The following CHRM3 variants were observed in gnomAD, a reference collection of about 807,000 sequenced individuals.
CHRM3 encodes the protein cholinergic receptor muscarinic 3, also known as muscarinic acetylcholine receptor M3.
A neutral mutation model predicts 41.8 loss-of-function variants in CHRM3; 11 were observed. The ratio of observed to expected loss-of-function variants is 0.26; its 90% CI spans 0.17 to 0.44. The LOEUF (loss-of-function observed/expected upper bound fraction) is 0.44, where lower values mean the gene tolerates loss of function less well. CHRM3 is among the 20% of genes least tolerant of loss of function. The pLI is 1.00. For missense variants in CHRM3, 571 were observed against 745.4 expected, an observed-to-expected ratio of 0.77 and a Z score of 2.72; for synonymous variants, 297 against 301.4, an observed-to-expected ratio of 0.99 and a Z score of 0.15.
chr1:239,414,570 T>C (rs1319005968), intron 1 of CHRM3, among the ~76,000 whole-genome samples: 1 of 152,238 alleles, frequency 6.6e-6, no homozygotes, highest in Non-Finnish European at 1.5e-5. Context: ...GAACAAAATA[T>C]TTTCAATCGG....
chr1:239,757,794 G>C (rs1442626542), intron 5 of CHRM3, among the ~76,000 whole-genome samples: 1 of 152,168 alleles, frequency 6.6e-6, no homozygotes, highest in East Asian at 1.9e-4. Context: ...GTAAATGAAC[G>C]TTGAATGTTA....
intron 1 of CHRM3, among the ~76,000 whole-genome samples, chr1:239,407,417 T>TATATATATATATATATAGAGAGAGAGAG: frequency 1.9e-4 from 26 of 134,208 alleles, no homozygotes; most frequent in Non-Finnish European, 3.9e-4. Flanking sequence ...TATATATATA[T>TATATATATATATATATAGAGAGAGAGAG]AGAGAGAGAG....
intron 4 of CHRM3, among the ~76,000 whole-genome samples, chr1:239,658,627 T>A (rs553748190): frequency 2.6e-5 from 4 of 152,328 alleles, no homozygotes; most frequent in African/African-American, 9.6e-5. Flanking sequence ...ACTGATTGAT[T>A]AAGGACTATG....
rs969262459 is a variant in CHRM3 at position 239,907,428 on chromosome 1, C to T, written c.-19-5C>T. ...CTAACTCTGTCTCTTCTCTCTTTCC[C>T]CCAGACTATGTCAGAGAGTCACAAT... On this transcript the variant is annotated splice_region_variant and splice_polypyrimidine_tract_variant and intron_variant, in intron 6 of 6. Coordinates refer to ENST00000676153, the MANE Select transcript of CHRM3 (RefSeq NM_001375978.1). This position sits in a 1 kb window ranked among gnomAD's most constrained non-coding sequence, Gnocchi z 5.4. 1.9e-6 allele frequency: 3 copies of T among 1,592,744 alleles called. No homozygotes were observed. The highest frequency in any genetic ancestry group is 1.7e-5 in the Admixed American group (1 of 58,510).
At chr1:239,884,773 T>C (rs1266075926) in intron 6 of CHRM3, among the ~76,000 whole-genome samples, 1 of 152,206 alleles carries the variant, frequency 6.6e-6, no homozygotes, top group East Asian at 1.9e-4. Flanking sequence ...TACTAGTAGA[T>C]GTTAAATATT....
chr1:239,422,949 T>G, intron 1 of CHRM3, among the ~76,000 whole-genome samples: 1 of 151,840 alleles, frequency 6.6e-6, no homozygotes, highest in Middle Eastern at 3.2e-3. Flanking sequence ...GGGAAGGAAA[T>G]AAAAGAATGA....
At chr1:239,657,248 G>T (rs948142488) in intron 4 of CHRM3, among the ~76,000 whole-genome samples, 1 of 152,176 alleles carries the variant, frequency 6.6e-6, no homozygotes, top group Non-Finnish European at 1.5e-5. Flanking sequence ...AGAGGAGCTG[G>T]AATACCCAAA....
At chr1:239,620,882 G>A (rs539134413) in intron 3 of CHRM3, among the ~76,000 whole-genome samples, 4 of 152,188 alleles carry the variant, frequency 2.6e-5, no homozygotes, top group Non-Finnish European at 4.4e-5. Context: ...ATGCATAGTC[G>A]TATGAGTGGT....
chr1:239,594,963 C>A (rs1002676517), intron 3 of CHRM3, among the ~76,000 whole-genome samples: 1 of 152,164 alleles, frequency 6.6e-6, no homozygotes, highest in Non-Finnish European at 1.5e-5. Context: ...GTGGCACATT[C>A]CTGTAATCCC....
At chr1:239,439,978 T>A (rs979565910) in intron 1 of CHRM3, among the ~76,000 whole-genome samples, 13 of 149,066 alleles carry the variant, frequency 8.7e-5, no homozygotes, top group African/African-American at 3.2e-4. Flanking sequence ...GGCAGGCGGA[T>A]CACGAGGTTA....
chr1:239,653,244 A>G (rs1026149165), intron 4 of CHRM3, among the ~76,000 whole-genome samples: 5 of 152,134 alleles, frequency 3.3e-5, no homozygotes, highest in African/African-American at 1.2e-4. Context: ...TAGGAAACAG[A>G]TCTTCTTTCG....
chr1:239,562,186 G>A (rs1660919535), intron 3 of CHRM3, among the ~76,000 whole-genome samples: 2 of 152,182 alleles, frequency 1.3e-5, no homozygotes, highest in Admixed American at 1.3e-4. Context: ...TGCAGGCCAT[G>A]TGTACCTGAT....
intron 1 of CHRM3, among the ~76,000 whole-genome samples, chr1:239,409,648 CT>C (rs1558200970): frequency 6.6e-6 from 1 of 152,112 alleles, no homozygotes. Flanking sequence ...AAAATTTGGG[CT>C]TGTCATGAGC....
intron 5 of CHRM3, among the ~76,000 whole-genome samples, chr1:239,701,517 T>C (rs1166334002): frequency 6.6e-6 from 1 of 152,234 alleles, no homozygotes; most frequent in African/African-American, 2.4e-5. Context: ...GTTGTCATGA[T>C]TGACAGCTGT....
chr1:239,700,914 C>T (rs1207414418), intron 5 of CHRM3, among the ~76,000 whole-genome samples: 2 of 152,148 alleles, frequency 1.3e-5, no homozygotes, highest in Non-Finnish European at 2.9e-5. Context: ...GGGCAGCTCC[C>T]TTGACTGGAC....
chr1:239,766,931 C>T (rs1283508984), intron 5 of CHRM3, among the ~76,000 whole-genome samples: 2 of 152,106 alleles, frequency 1.3e-5, no homozygotes, highest in South Asian at 2.1e-4. Flanking sequence ...AGGCTGGTCT[C>T]GAACTCCTGA....
chr1:239,738,957 T>C (rs547525109), intron 5 of CHRM3, among the ~76,000 whole-genome samples: 44 of 152,294 alleles, frequency 2.9e-4, no homozygotes, highest in African/African-American at 9.6e-4. Context: ...CTGAGGTTGC[T>C]CCTGGAAGAT....
chr1:239,531,108 AT>A (rs927924894), intron 2 of CHRM3, among the ~76,000 whole-genome samples: 1 of 152,104 alleles, frequency 6.6e-6, no homozygotes, highest in African/African-American at 2.4e-5. Context: ...TGTTATTAGG[AT>A]TTTTTTGCAG....
At chr1:239,466,270 C>T (rs2147910618) in intron 1 of CHRM3, among the ~76,000 whole-genome samples, 1 of 152,308 alleles carries the variant, frequency 6.6e-6, no homozygotes, top group Non-Finnish European at 1.5e-5. Context: ...GCTGGGATTA[C>T]AGGTGTGAGC....
Sources: gnomAD v4.1 joint callset for allele counts (sites outside exome capture counted in the v4.1 genomes callset) on GRCh38, gnomAD v4.1.1 for gene constraint, Gnocchi (gnomAD v3.1) non-coding constraint, MANE v1.5 for transcripts, NCBI Gene and HGNC (gene_info 2026-07-23, HGNC 2026-07-21) for gene names.